PTK7: variants seen among roughly 807,000 people sequenced by gnomAD.
PTK7 encodes inactive tyrosine-protein kinase 7.
A neutral mutation model predicts 116.6 loss-of-function variants in PTK7; 39 were observed. That is an observed-to-expected ratio of 0.33 (90% confidence interval 0.26 to 0.44). The LOEUF is 0.44. PTK7 is among the 20% of genes least tolerant of loss of function. The pLI is 1.00. For missense variants in PTK7, 1,169 were observed against 1,425.6 expected (o/e 0.82, Z 2.90); for synonymous variants, 546 against 563.6 (o/e 0.97, Z 0.44).
intron 17 of PTK7, among the ~76,000 whole-genome samples, chr6:43,147,831 T>C (rs1049090892): frequency 5.3e-5 from 8 of 152,304 alleles, no homozygotes. Flanking sequence ...CTGTGTATAG[T>C]GGCTGTAGAG....
At position 43,120,846 on chromosome 6, in the gene PTK7, G is replaced by T. The variant is rs115789688; in HGVS notation, c.80-8131G>T. Among the ~76,000 whole-genome samples, 529 of 152,144 alleles carry T rather than the reference G, an allele frequency of 3.5e-3. 3 individuals carry two copies. Among genetic ancestry groups the T allele is most frequent in the African/African-American group, 0.012 (480 of 41,512 alleles). ...CAGAACCCAGGTTTCCCTAACTTAT[G>T]TTCCTTCCATCTCATCACACCACCT... On this transcript the variant is annotated intron_variant, in intron 1 of 19. Transcript: ENST00000230419.
chr6:43,159,491 T>C (rs1413118416), intron 18 of PTK7: 1 of 450,174 alleles, frequency 2.2e-6, no homozygotes, highest in Non-Finnish European at 4.1e-6. Flanking sequence ...GTTCTTAGTT[T>C]TTACATTTTT....
In PTK7 at chr6:43,076,674, G is replaced by C; in HGVS notation, c.79+107G>C. On this transcript the variant is annotated intron_variant, in intron 1 of 19. Coordinates refer to ENST00000230419, the MANE Select transcript of PTK7 (RefSeq NM_002821.5). This position sits in a 1 kb window ranked among gnomAD's most constrained non-coding sequence, Gnocchi z 5.7. The stretch of plus-strand genomic sequence containing the variant: ...TTTGGGCGGCTGGAACGGCCCTGGA[G>C]TAGTGGAGAGGCTCGCTGGGGGTGC... 2.1e-6 allele frequency: 3 copies of C among 1,416,466 alleles called. No homozygotes were observed. Among genetic ancestry groups the C allele is most frequent in the Admixed American group, 5.6e-5 (2 of 35,816 alleles). The allele number at this position is 1,416,466 out of a possible 1,614,324, so 87.7% of individuals were successfully genotyped here. A position where few individuals can be genotyped will look rare whatever the true frequency, so the allele number is the denominator to read the frequency against.
At chr6:43,095,352 A>G (rs144912705) in intron 1 of PTK7, among the ~76,000 whole-genome samples, 46 of 152,334 alleles carry the variant, frequency 3.0e-4, no homozygotes, top group African/African-American at 1.0e-3. Context: ...AGCCTGGGCA[A>G]CAAGAATGAA....
chr6:43,148,678 T>C (rs1026959862), intron 17 of PTK7, among the ~76,000 whole-genome samples: 7 of 152,094 alleles, frequency 4.6e-5, no homozygotes, highest in African/African-American at 1.7e-4. Context: ...TTTTTTGCCA[T>C]AGTGTCTTAA....
intron 1 of PTK7, among the ~76,000 whole-genome samples, chr6:43,094,841 T>G (rs1157440210): frequency 6.6e-6 from 1 of 151,770 alleles, no homozygotes; most frequent in Non-Finnish European, 1.5e-5. Flanking sequence ...GGTCAGGAGT[T>G]CAAGACCAGC....
At chr6:43,133,705 A>G (rs1769850031) in intron 7 of PTK7, 1 of 152,236 alleles carries the variant, frequency 6.6e-6, no homozygotes, top group Non-Finnish European at 1.5e-5. Context: ...AAATTACAAT[A>G]TGCACACAGA....
In PTK7 at chr6:43,154,331, C is replaced by CA. The variant is rs915423793; in HGVS notation, c.2722-4474dup. ...AGCCTGGGCAACAGGCACCCTGTCT[C>CA]AAAAAAAAAAAAGTTTTAATTAAAT... is the stretch of plus-strand genomic sequence containing the variant. On this transcript the variant is annotated intron_variant, in intron 17 of 19. Transcript: ENST00000230419. Among the ~76,000 whole-genome samples, 708 of 140,078 alleles carry CA rather than the reference C, an allele frequency of 5.1e-3. 4 individuals are homozygous for CA. The highest frequency in any genetic ancestry group is 0.017 in the African/African-American group (638 of 38,094). 91.9% of individuals were successfully genotyped at this position (140,078 alleles called of 152,430 possible). A position where few individuals can be genotyped will look rare whatever the true frequency, so the allele number is the denominator to read the frequency against.
chr6:43,100,485 T>C (rs1005529780), intron 1 of PTK7, among the ~76,000 whole-genome samples: 39 of 152,024 alleles, frequency 2.6e-4, no homozygotes, highest in African/African-American at 8.9e-4. Context: ...AAAATTGAAC[T>C]GTAATTTGAT....
At position 43,130,643 on chromosome 6, in the gene PTK7, C is replaced by T; in HGVS notation, c.794C>T (p.Pro265Leu). Residue 265 changes from proline (P) to leucine (L), a missense_variant, in exon 5 of 20, where the codon CCC becomes CTC. Transcript: ENST00000230419. ...CAGTGGCTCTTTGAGGATGAGACTC[C>T]CATCACTAACCGCAGTCGGTAAGGC... ...SLQWLFEDETPITNRSRPPHL... is the reference protein window; with the variant it reads ...SLQWLFEDETLITNRSRPPHL... 1 of 1,614,170 alleles carries T rather than the reference C, an allele frequency of 6.2e-7. No homozygotes were observed. Among genetic ancestry groups the T allele is most frequent in the Non-Finnish European group, 8.5e-7 (1 of 1,180,024 alleles).
intron 17 of PTK7, among the ~76,000 whole-genome samples, chr6:43,153,362 C>T (rs148134695): frequency 0.015 from 2,268 of 151,808 alleles, 29 homozygotes; most frequent in Non-Finnish European, 0.022. Flanking sequence ...ATCTGCCTGC[C>T]TTGGCCTCCC....
intron 1 of PTK7, among the ~76,000 whole-genome samples, chr6:43,125,314 A>AG (rs956848351): frequency 2.0e-5 from 3 of 152,232 alleles, no homozygotes; most frequent in African/African-American, 7.2e-5. Flanking sequence ...GTTGGGGCAC[A>AG]GGGGGCTCTG....
chr6:43,129,722 T>A lies in PTK7; in HGVS notation c.368-5T>A. The stretch of plus-strand genomic sequence containing the variant: ...CCCTCACTGCAACCGTGGCCTCTGC[T>A]ACAGGGATTGAGGCAGGTCCTGTGG... On this transcript the variant is annotated splice_polypyrimidine_tract_variant and splice_region_variant and intron_variant, in intron 2 of 19. Transcript: ENST00000230419. The surrounding 1 kb of genome is among the most constrained non-coding windows in gnomAD (Gnocchi z 4.5). 15 of 1,613,818 alleles carry A rather than the reference T, an allele frequency of 9.3e-6. No homozygotes were observed. Among genetic ancestry groups the A allele is most frequent in the Non-Finnish European group, 1.3e-5 (15 of 1,179,744 alleles).
At position 43,076,601 on chromosome 6, in the gene PTK7, G is replaced by GGAAGCGCGGGA; in HGVS notation, c.79+36_79+46dup. ...CCGAGAGTTGGGGGCACAGAGCTTGGGAAGCGCGGGAGTCCCGTGGGCAAA... is the reference window on the plus strand; with the variant it reads ...CCGAGAGTTGGGGGCACAGAGCTTGGGAAGCGCGGGAGAAGCGCGGGAGTCCCGTGGGCAAA... On this transcript the variant is annotated intron_variant, in intron 1 of 19. Transcript: ENST00000230419. The surrounding 1 kb of genome is among the most constrained non-coding windows in gnomAD (Gnocchi z 5.7). 6.4e-7 allele frequency: 1 copy of GGAAGCGCGGGA among 1,556,108 alleles called. No homozygotes were observed. Among genetic ancestry groups the GGAAGCGCGGGA allele is most frequent in the Non-Finnish European group, 8.7e-7 (1 of 1,155,548 alleles).
At chr6:43,157,688 C>G (rs1269164628) in intron 17 of PTK7, among the ~76,000 whole-genome samples, 1 of 151,864 alleles carries the variant, frequency 6.6e-6, no homozygotes, top group Non-Finnish European at 1.5e-5. Context: ...TGAGACCAGC[C>G]TGGGCAACGT....
rs1561993881 is a variant in PTK7 at position 43,160,758 on chromosome 6, G to A, written c.3090G>A (p.Glu1030=). ...QAGKARLPQP[E]GCPSKLYRLM... is the part of the protein sequence containing the mutation. ...GGAAGGCTAGACTTCCTCAGCCCGA[G>A]GGCTGCCCTTCCAAACTCTATCGGC... Residue 1030 remains glutamate (E), a synonymous_variant, in exon 20 of 20, where the codon GAG becomes GAA. Coordinates refer to ENST00000230419, the MANE Select transcript of PTK7 (RefSeq NM_002821.5). 6.2e-7 allele frequency: 1 copy of A among 1,614,090 alleles called. No homozygotes were observed. Among genetic ancestry groups the A allele is most frequent in the African/African-American group, 1.3e-5 (1 of 74,932 alleles).
intron 1 of PTK7, among the ~76,000 whole-genome samples, chr6:43,123,982 G>A (rs946130868): frequency 4.6e-5 from 7 of 152,232 alleles, no homozygotes; most frequent in Admixed American, 6.5e-5. Flanking sequence ...AGCAGCGGAG[G>A]CAGGGCTGTT....
In PTK7 at chr6:43,143,181, C is replaced by T. The variant is rs1478909929; in HGVS notation, c.2048-236C>T. ...AGGTGTGCTTATCCGTGTCGCCTGT[C>T]TTGGCTTCCGATGCAAAGCCAGCTT... is the stretch of plus-strand genomic sequence containing the variant. On this transcript the variant is annotated intron_variant, in intron 13 of 19. Coordinates refer to ENST00000230419, the MANE Select transcript of PTK7 (RefSeq NM_002821.5). This position sits in a 1 kb window ranked among gnomAD's most constrained non-coding sequence, Gnocchi z 4.2. 4.0e-6 allele frequency: 2 copies of T among 506,018 alleles called. No individual in the cohort carries two copies. 31.3% of individuals were successfully genotyped at this position (506,018 alleles called of 1,614,324 possible).
intron 1 of PTK7, among the ~76,000 whole-genome samples, chr6:43,090,832 T>C (rs1766907833): frequency 6.6e-6 from 1 of 151,826 alleles, no homozygotes; most frequent in East Asian, 1.9e-4. Context: ...GGCTGAGAGG[T>C]TCCCCCCTCA....
Sources: gnomAD v4.1 joint callset for allele counts (sites outside exome capture counted in the v4.1 genomes callset) on GRCh38, gnomAD v4.1.1 for gene constraint, Gnocchi (gnomAD v3.1) non-coding constraint, MANE v1.5 for transcripts, NCBI Gene and HGNC (gene_info 2026-07-23, HGNC 2026-07-21) for gene names.